Variants in RELCH observed in about 807,000 individuals in gnomAD.
RELCH encodes the protein RAB11-binding protein RELCH.
A neutral mutation model predicts 150.3 loss-of-function variants in RELCH; 41 were observed. The observed-to-expected ratio is 0.27, with a 90% confidence interval of 0.21 to 0.35. The LOEUF (loss-of-function observed/expected upper bound fraction) is 0.35, where lower values mean the gene tolerates loss of function less well. Among genes scored for constraint, RELCH ranks in the 10% least tolerant of loss-of-function variants. The pLI, the probability that RELCH is intolerant of heterozygous loss-of-function variation, is 1.00. For missense variants in RELCH, 1,092 were observed against 1,467.8 expected (o/e 0.74, Z 4.18); for synonymous variants, 478 against 531.8 (o/e 0.90, Z 1.39).
chr18:62,227,759 A>G (rs1201225038), intron 7 of RELCH, 70 bp downstream of exon 7: 1 of 670,346 alleles, frequency 1.5e-6, no homozygotes, highest in East Asian at 2.7e-5. Context: ...TTATGCAAAT[A>G]TATGAAACAA....
In RELCH at chr18:62,231,230, T is replaced by C. The variant is rs751598863; in HGVS notation, c.1485T>C (p.Ser495=). Residue 495 remains serine, a synonymous_variant, in exon 9 of 29, where the codon TCT becomes TCC. Coordinates refer to ENST00000644646, the MANE Select transcript of RELCH (RefSeq NM_001346231.2). ...CTGCATTCCATCAAGCACTACTCTC[T>C]TTTTGTCGAATGTCAGCAGATAGTC... ...LSPAFHQALL[S]FCRMSADSRL... is the part of the protein sequence containing the mutation. The C allele has an allele frequency of 6.7e-5, 107 of 1,608,636 alleles. No homozygotes were observed. Among genetic ancestry groups the C allele is most frequent in the Non-Finnish European group, 6.5e-5 (76 of 1,176,150 alleles).
chr18:62,237,169 A>G (rs1244227692), intron 10 of RELCH, among the ~76,000 whole-genome samples: 2 of 151,758 alleles, frequency 1.3e-5, no homozygotes, highest in Non-Finnish European at 3.0e-5. Context: ...TATGACTTTG[A>G]TCTTTTAAAT....
chr18:62,195,886 A>C (rs1446479915), intron 1 of RELCH, among the ~76,000 whole-genome samples: 1 of 151,930 alleles, frequency 6.6e-6, no homozygotes, highest in Admixed American at 6.6e-5. Flanking sequence ...GGTAGAGACC[A>C]GGTTTTACCA....
At chr18:62,209,027 C>G (rs1246121414) in intron 1 of RELCH, among the ~76,000 whole-genome samples, 3 of 152,154 alleles carry the variant, frequency 2.0e-5, no homozygotes, top group Non-Finnish European at 4.4e-5. Flanking sequence ...TACATTAGGT[C>G]TATCTGAATA....
chr18:62,263,673 T>C (rs2043393260), intron 16 of RELCH, among the ~76,000 whole-genome samples: 1 of 151,940 alleles, frequency 6.6e-6, no homozygotes, highest in African/African-American at 2.4e-5. Flanking sequence ...CATGAACAAA[T>C]ATTTATGTCA....
chr18:62,264,942 C>T, intron 18 of RELCH, 90 bp downstream of exon 18: 3 of 1,051,076 alleles, frequency 2.9e-6, no homozygotes, highest in Non-Finnish European at 4.1e-6. Flanking sequence ...AAAGCATGAA[C>T]CATTCTTTTA....
intron 27 of RELCH, among the ~76,000 whole-genome samples, chr18:62,297,558 A>G (rs2045471547): frequency 1.3e-5 from 2 of 152,348 alleles, no homozygotes; most frequent in South Asian, 2.1e-4. Context: ...CTGTGAGACA[A>G]GAGAGTGGGG....
chr18:62,295,389 A>C (rs1405542132), intron 27 of RELCH, among the ~76,000 whole-genome samples: 5 of 150,774 alleles, frequency 3.3e-5, no homozygotes, highest in Non-Finnish European at 5.9e-5. Flanking sequence ...ATTAATCTCA[A>C]ATATTGCACT....
chr18:62,267,509 TGTG>T (rs2043646985), intron 19 of RELCH, among the ~76,000 whole-genome samples: 2 of 142,750 alleles, frequency 1.4e-5, no homozygotes, highest in Non-Finnish European at 3.1e-5. Context: ...TGTGTGTGTG[TGTG>T]TGTGTGTATA....
intron 1 of RELCH, among the ~76,000 whole-genome samples, chr18:62,200,887 G>A (rs183924584): frequency 6.7e-6 from 1 of 149,590 alleles, no homozygotes; most frequent in African/African-American, 2.4e-5. Context: ...TCATATTTTA[G>A]AGTAGCCTTA....
chr18:62,244,110 G>A (rs1422017246), intron 10 of RELCH, among the ~76,000 whole-genome samples: 1 of 151,954 alleles, frequency 6.6e-6, no homozygotes, highest in Admixed American at 6.6e-5. Flanking sequence ...GTGTCTCTTA[G>A]AAATAAACTT....
chr18:62,221,416 A>G lies in RELCH; in HGVS notation c.777A>G (p.Leu259=). 1 of 1,600,784 alleles carries G rather than the reference A, an allele frequency of 6.2e-7. No individual in the cohort carries two copies. The highest frequency in any genetic ancestry group is 8.5e-7 in the Non-Finnish European group (1 of 1,171,132). Residue 259 remains leucine, a synonymous_variant, in exon 5 of 29, where the codon CTA becomes CTG. Transcript: ENST00000644646. The part of the protein sequence containing the change: ...EPIKPLEKRA[L]NFLVNEFLLK... ...TCAAACCTCTTGAAAAGAGAGCTCT[A>G]AACTTCTTAGTCAATGAATTTTTAT...
At chr18:62,257,487 T>TC (rs778098199) in intron 13 of RELCH, among the ~76,000 whole-genome samples, 19 of 152,160 alleles carry the variant, frequency 1.2e-4, no homozygotes, top group Non-Finnish European at 2.4e-4. Context: ...TTGTAGTTCC[T>TC]CCTGTTAAAA....
chr18:62,268,892 C>T lies in RELCH; in HGVS notation c.2704C>T (p.Leu902Phe). Reference sequence around the variant, plus strand: ...AGATTCCTCAGCAGGAAATGGGGTCCTCACTAAAGCTACAGTCCCCATTTA... The same window carrying T: ...AGATTCCTCAGCAGGAAATGGGGTCTTCACTAAAGCTACAGTCCCCATTTA... Reference protein sequence around the residue: ...NIDSSAGNGVLTKATVPIYAT... With the variant: ...NIDSSAGNGVFTKATVPIYAT... Residue 902 changes from leucine to phenylalanine, a missense_variant, in exon 20 of 29, where the codon CTC becomes TTC. By Grantham distance (22) the Leu-to-Phe change is conservative. Coordinates refer to ENST00000644646, the MANE Select transcript of RELCH (RefSeq NM_001346231.2). 6.5e-7 allele frequency: 1 copy of T among 1,540,434 alleles called. No individual in the cohort carries two copies. Among genetic ancestry groups the T allele is most frequent in the Non-Finnish European group, 8.8e-7 (1 of 1,138,766 alleles).
intron 1 of RELCH, among the ~76,000 whole-genome samples, chr18:62,202,175 T>C (rs2039496503): frequency 6.6e-6 from 1 of 152,198 alleles, no homozygotes; most frequent in Non-Finnish European, 1.5e-5. Context: ...AAATGCTCTG[T>C]AGTTAAAATA....
intron 7 of RELCH, 80 bp downstream of exon 7, chr18:62,227,769 A>G: frequency 1.6e-6 from 1 of 636,792 alleles, no homozygotes. Flanking sequence ...ATATGAAACA[A>G]TATTCCAGTT....
chr18:62,270,539 A>G (rs2043835779), intron 20 of RELCH, among the ~76,000 whole-genome samples: 2 of 152,066 alleles, frequency 1.3e-5, no homozygotes, highest in South Asian at 4.1e-4. Flanking sequence ...AAGAAGAAAC[A>G]CCTTTTCCAA....
intron 10 of RELCH, among the ~76,000 whole-genome samples, chr18:62,233,254 G>C (rs2041690459): frequency 6.6e-6 from 1 of 151,526 alleles, no homozygotes; most frequent in South Asian, 2.1e-4. Flanking sequence ...AAAATTTTTA[G>C]ATCAAAAAAA....
At chr18:62,268,971 C>T (rs2043741418) in intron 20 of RELCH, 23 bp downstream of exon 20, 2 of 1,284,990 alleles carry the variant, frequency 1.6e-6, no homozygotes, top group East Asian at 5.0e-5. Context: ...TTCTTACTCT[C>T]TAGTAAAAGG....
Sources: gnomAD v4.1 joint callset for allele counts (sites outside exome capture counted in the v4.1 genomes callset) on GRCh38, gnomAD v4.1.1 for gene constraint, MANE v1.5 for transcripts, NCBI Gene and HGNC (gene_info 2026-07-23, HGNC 2026-07-21) for gene names.